Variants in ATP2B2 observed in about 807,000 individuals in gnomAD.
ATP2B2 encodes the protein plasma membrane calcium-transporting ATPase 2.
ATP2B2 carries 15 observed loss-of-function variants against 120.0 expected under a neutral mutation model. That is an observed-to-expected ratio of 0.12 (90% CI 0.08 to 0.19). ATP2B2 has a LOEUF of 0.19. Ranked by LOEUF, ATP2B2 falls within the 10% of genes least tolerant of loss-of-function variation. The pLI is 1.00. For synonymous variants in ATP2B2, 694 were observed against 700.3 expected, an observed-to-expected ratio of 0.99 and a Z score of 0.14; for missense variants, 1,045 against 1,719.8, an observed-to-expected ratio of 0.61 and a Z score of 6.94.
intron 3 of ATP2B2, among the ~76,000 whole-genome samples, chr3:10,513,851 C>T (rs2066824468): frequency 6.6e-6 from 1 of 152,078 alleles, no homozygotes; most frequent in Non-Finnish European, 1.5e-5. Context: ...TGGGAAGTTC[C>T]CTTGACTGAC....
chr3:10,694,875 C>T (rs929219673), intron 1 of ATP2B2, among the ~76,000 whole-genome samples: 3 of 151,960 alleles, frequency 2.0e-5, no homozygotes, highest in African/African-American at 7.3e-5. Context: ...CCCTAGAGGT[C>T]AATGCTGATT....
At position 10,629,266 on chromosome 3, in the gene ATP2B2, C is replaced by T. The variant is rs1409662772; in HGVS notation, c.-459-9305G>A. On this transcript the variant is annotated intron_variant, in intron 1 of 21. Transcript: ENST00000646379. ...CACCTGGCTCGACCTCCGCTGGGAA[C>T]GCGCTGCGGGCAACTGCCATTTTCC... 3.3e-5 allele frequency among the ~76,000 whole-genome samples: 5 copies of T among 152,230 alleles called. No homozygotes were observed. In the East Asian group the frequency reaches 7.7e-4, roughly 23 times the overall value.
At chr3:10,675,311 C>T (rs1836289) in intron 1 of ATP2B2, among the ~76,000 whole-genome samples, 124,103 of 152,260 alleles carry the variant, frequency 0.82, 51,221 homozygotes, top group African/African-American at 0.95. Flanking sequence ...GTTTTGCCTG[C>T]TCTTGAACTT....
intron 2 of ATP2B2, among the ~76,000 whole-genome samples, chr3:10,557,201 C>T (rs776078944): frequency 1.3e-5 from 2 of 152,194 alleles, no homozygotes; most frequent in South Asian, 2.1e-4. Flanking sequence ...GTGGCCACTG[C>T]GTTCTGGAAG....
chr3:10,574,479 G>A (rs1360114547), intron 2 of ATP2B2, among the ~76,000 whole-genome samples: 1 of 152,112 alleles, frequency 6.6e-6, no homozygotes, highest in African/African-American at 2.4e-5. Flanking sequence ...CTAGGCAAGG[G>A]GCATTCTCCA....
At chr3:10,636,115 C>T (rs955679391) in intron 1 of ATP2B2, among the ~76,000 whole-genome samples, 6 of 152,226 alleles carry the variant, frequency 3.9e-5, no homozygotes, top group African/African-American at 7.2e-5. Flanking sequence ...AAGACTGGCA[C>T]GTGATGTGCT....
chr3:10,371,811 G>A lies in ATP2B2; in HGVS notation c.1657C>T (p.Leu553=). 1 of 1,614,182 alleles carries A rather than the reference G, an allele frequency of 6.2e-7. No homozygotes were observed. The highest frequency in any genetic ancestry group is 1.1e-5 in the South Asian group (1 of 91,064). The change falls in exon 12 of 23, where the codon CTG becomes TTG. Residue 553 remains leucine (L), a splice_region_variant and synonymous_variant. Coordinates refer to ENST00000360273, the MANE Select transcript of ATP2B2 (RefSeq NM_001001331.4). ...GGATGTGCCTGGTCCACACTTACCAGAATCTTGGTGGTGTAGGCGCTGTTG... is the reference window on the plus strand; with the variant it reads ...GGATGTGCCTGGTCCACACTTACCAAAATCTTGGTGGTGTAGGCGCTGTTG... ...AINSAYTTKI[L]PPEKEGALPR...
intron 9 of ATP2B2, among the ~76,000 whole-genome samples, chr3:10,378,667 C>A (rs946509268): frequency 2.6e-5 from 4 of 152,214 alleles, no homozygotes; most frequent in Non-Finnish European, 4.4e-5. Flanking sequence ...TGCTGTTACC[C>A]TGGATCCCCC....
At chr3:10,448,489 A>G (rs1017643633) in intron 2 of ATP2B2, among the ~76,000 whole-genome samples, 2 of 152,140 alleles carry the variant, frequency 1.3e-5, no homozygotes, top group Admixed American at 6.5e-5. Context: ...GAGGTCTGGT[A>G]CCCAAGCTGG....
At chr3:10,627,601 G>C (rs1021734400) in intron 1 of ATP2B2, among the ~76,000 whole-genome samples, 2 of 152,096 alleles carry the variant, frequency 1.3e-5, no homozygotes, top group Non-Finnish European at 2.9e-5. Flanking sequence ...TCTCCCCCTC[G>C]CTGGATCCTT....
At chr3:10,558,819 T>C (rs182625768) in intron 2 of ATP2B2, among the ~76,000 whole-genome samples, 2 of 151,728 alleles carry the variant, frequency 1.3e-5, no homozygotes, top group East Asian at 3.9e-4. Context: ...GAGCACGGAA[T>C]AACAGCAGGA....
intron 12 of ATP2B2, among the ~76,000 whole-genome samples, chr3:10,366,224 G>A (rs1004991498): frequency 2.6e-5 from 4 of 152,128 alleles, no homozygotes; most frequent in Non-Finnish European, 5.9e-5. Flanking sequence ...CTGAATTCAA[G>A]GGCTGTCTCT....
intron 1 of ATP2B2, among the ~76,000 whole-genome samples, chr3:10,451,583 A>G (rs1191291299): frequency 6.6e-6 from 1 of 152,160 alleles, no homozygotes; most frequent in African/African-American, 2.4e-5. Flanking sequence ...TACACAAGGG[A>G]CGCTTTTACT....
intron 1 of ATP2B2, among the ~76,000 whole-genome samples, chr3:10,677,127 T>C (rs1244334142): frequency 6.6e-6 from 1 of 152,206 alleles, no homozygotes; most frequent in Non-Finnish European, 1.5e-5. Flanking sequence ...TTATAGCAGC[T>C]CTATTAATAA....
intron 2 of ATP2B2, among the ~76,000 whole-genome samples, chr3:10,554,617 C>A (rs535480343): frequency 2.5e-4 from 38 of 152,316 alleles, no homozygotes; most frequent in African/African-American, 8.9e-4. Flanking sequence ...CGATTTCAGC[C>A]CGGTAGAGCT....
intron 1 of ATP2B2, among the ~76,000 whole-genome samples, chr3:10,454,036 C>T (rs1446015477): frequency 2.0e-5 from 3 of 151,086 alleles, no homozygotes; most frequent in African/African-American, 7.4e-5. Context: ...CCCATCTACC[C>T]ATCCACTCAT....
intron 2 of ATP2B2, among the ~76,000 whole-genome samples, chr3:10,444,071 C>G (rs541017332): frequency 5.0e-4 from 76 of 152,310 alleles, no homozygotes; most frequent in African/African-American, 1.7e-3. Flanking sequence ...TTTTTCTCCT[C>G]TCGGCCTCAT....
At chr3:10,585,493 G>GGAAAAAAAA (rs1250583445) in intron 2 of ATP2B2, among the ~76,000 whole-genome samples, 1 of 28,510 alleles carries the variant, frequency 3.5e-5, no homozygotes, top group Non-Finnish European at 5.7e-5. Flanking sequence ...GACTCCGTCT[G>GGAAAAAAAA]AAAAAAAAAA....
intron 1 of ATP2B2, among the ~76,000 whole-genome samples, chr3:10,661,913 T>C (rs2070791703): frequency 6.6e-6 from 1 of 152,060 alleles, no homozygotes; most frequent in South Asian, 2.1e-4. Context: ...TATAGACCAA[T>C]GGAACAGAAT....
Sources: allele counts gnomAD v4.1 joint callset (sites outside exome capture counted in the v4.1 genomes callset), GRCh38; gene constraint gnomAD v4.1.1; transcripts MANE v1.5; gene names NCBI Gene and HGNC (gene_info 2026-07-23, HGNC 2026-07-21).